Variants in VPS13C observed in about 807,000 individuals in gnomAD.
VPS13C encodes the protein vacuolar protein sorting 13 homolog C.
Under a neutral mutation model 456.8 loss-of-function variants are expected in VPS13C, and 358 were observed. The observed-to-expected ratio is 0.78, with a 90% CI of 0.72 to 0.86. VPS13C has a LOEUF of 0.86. Among genes scored for constraint, VPS13C ranks in the 40% least tolerant of loss-of-function variants. The pLI is 0.00. For missense variants in VPS13C, 4,818 were observed against 4,385.4 expected, an observed-to-expected ratio of 1.10 and a Z score of -2.79; for synonymous variants, 1,578 against 1,486.7, an observed-to-expected ratio of 1.06 and a Z score of -1.41.
intron 67 of VPS13C, among the ~76,000 whole-genome samples, chr15:61,885,713 A>C (rs147750528): frequency 8.7e-4 from 132 of 152,274 alleles, no homozygotes; most frequent in African/African-American, 2.9e-3. Context: ...TAGCTTTATG[A>C]ATTTGTCCAA....
rs755637408 is a variant in VPS13C, at chr15:61,911,974, T to C, written c.8581A>G (p.Asn2861Asp). The C allele has an allele frequency of 6.2e-7, 1 of 1,607,966 alleles. No individual in the cohort carries two copies. The highest frequency in any genetic ancestry group is 1.1e-5 in the South Asian group (1 of 89,376). ...GTCAGGGTAACTATTCGTGAAAGGTTGAAACTGCTCATTTTGATGCTAACA... is the reference window on the plus strand; with the variant it reads ...GTCAGGGTAACTATTCGTGAAAGGTCGAAACTGCTCATTTTGATGCTAACA... The part of the protein sequence containing the change: ...VGVSIKMSSF[N>D]LSRIVTLTPF... The change falls in exon 63 of 85, where the codon AAC becomes GAC. Residue 2861 changes from asparagine to aspartate, a missense_variant. Asn to Asp is a conservative substitution (Grantham distance 23, BLOSUM62 1). Transcript: ENST00000644861.
intron 9 of VPS13C, among the ~76,000 whole-genome samples, chr15:62,017,303 G>C (rs974895127): frequency 4.6e-5 from 7 of 152,088 alleles, no homozygotes; most frequent in Admixed American, 1.3e-4. Flanking sequence ...GATCCCATTT[G>C]TCAATTTTGG....
rs760577796 is a variant in VPS13C at position 61,858,352 on chromosome 15, ATCTATCTATCTG to A, written c.10953-1955_10953-1944del. Reference sequence around the variant, plus strand: ...TATCTATCTATCTATCTATCTATCTATCTATCTATCTGTCTATCTATCTCCCTCCCTCCCTAT... The same window carrying A: ...TATCTATCTATCTATCTATCTATCTATCTATCTATCTCCCTCCCTCCCTAT... On this transcript the variant is annotated intron_variant, in intron 82 of 84. Transcript: ENST00000644861. This position sits in a 1 kb window ranked among gnomAD's most constrained non-coding sequence, Gnocchi z 4.4. Among the ~76,000 whole-genome samples, 2,150 of 147,214 alleles carry A rather than the reference ATCTATCTATCTG, an allele frequency of 0.015. 103 individuals are homozygous for A. Among genetic ancestry groups the A allele is most frequent in the Admixed American group, 0.098 (1,467 of 14,952 alleles).
chr15:61,899,427 C>T (rs2042930187), intron 66 of VPS13C, among the ~76,000 whole-genome samples: 1 of 151,414 alleles, frequency 6.6e-6, no homozygotes, highest in Non-Finnish European at 1.5e-5. Flanking sequence ...GGGATATCAC[C>T]ACCGATCCCA....
chr15:62,007,951 A>G (rs2140493942), intron 14 of VPS13C, among the ~76,000 whole-genome samples: 1 of 152,220 alleles, frequency 6.6e-6, no homozygotes, highest in South Asian at 2.1e-4. Flanking sequence ...CTAAAAATAC[A>G]AAAATTAGGC....
intron 47 of VPS13C, 143 bp from the exon 48 acceptor site, chr15:61,936,893 A>C (rs975739358): frequency 1.1e-6 from 1 of 902,722 alleles, no homozygotes; most frequent in Non-Finnish European, 1.6e-6. Flanking sequence ...TAAATACCAG[A>C]ACAGAAGTAT....
intron 75 of VPS13C, 27 bp from the exon 76 acceptor site, chr15:61,875,872 G>A (rs1895384486): frequency 1.4e-6 from 2 of 1,400,212 alleles, no homozygotes; most frequent in Non-Finnish European, 2.0e-6. Context: ...ATTAAATTAA[G>A]TCCTTCACAA....
intron 58 of VPS13C, among the ~76,000 whole-genome samples, chr15:61,918,515 TTTCA>T (rs953547082): frequency 1.3e-5 from 2 of 152,026 alleles, no homozygotes; most frequent in Non-Finnish European, 2.9e-5. Flanking sequence ...CTATATTATC[TTTCA>T]AATATGTATT....
At chr15:62,044,815 A>T (rs1450865776) in intron 1 of VPS13C, among the ~76,000 whole-genome samples, 1 of 152,130 alleles carries the variant, frequency 6.6e-6, no homozygotes, top group African/African-American at 2.4e-5. Context: ...CATGACTCAA[A>T]TCTTAAACAC....
chr15:61,977,905 C>T (rs1442806037), intron 23 of VPS13C, among the ~76,000 whole-genome samples: 1 of 151,954 alleles, frequency 6.6e-6, no homozygotes, highest in Non-Finnish European at 1.5e-5. Context: ...TATGTATTTA[C>T]GTTTTAATAA....
rs2045591721 is a variant in VPS13C at position 61,972,683 on chromosome 15, G to A, written c.2699C>T (p.Ala900Val). ...GAGCTCCTCATTTGGGACCTCTGCA[G>A]CTTTTTTAAGTTCTGATCCTTTCAT... The part of the protein sequence containing the change: ...KSMKGSELKK[A>V]AEVPNEELIN... Residue 900 changes from alanine (A) to valine (V), a missense_variant, in exon 27 of 85, where the codon GCT (alanine) becomes GTT (valine). Physicochemically the swap from Ala to Val is moderately conservative, Grantham distance 64. Transcript: ENST00000644861. The A allele has an allele frequency of 6.2e-7, 1 of 1,613,458 alleles. No individual in the cohort carries two copies. Among genetic ancestry groups the A allele is most frequent in the African/African-American group, 1.3e-5 (1 of 75,012 alleles).
intron 17 of VPS13C, 55 bp downstream of exon 17, chr15:61,991,616 TAC>T: frequency 2.6e-6 from 4 of 1,523,876 alleles, no homozygotes; most frequent in East Asian, 2.3e-5. Context: ...AGATATAATT[TAC>T]ACAGTTTTTT....
intron 66 of VPS13C, among the ~76,000 whole-genome samples, chr15:61,890,641 G>A (rs1414584431): frequency 6.6e-6 from 1 of 152,158 alleles, no homozygotes; most frequent in Non-Finnish European, 1.5e-5. Flanking sequence ...ATTACCTACT[G>A]AGTGCTGAAG....
chr15:62,041,454 G>T, intron 2 of VPS13C, 88 bp from the exon 3 acceptor site: 1 of 1,306,968 alleles, frequency 7.7e-7, no homozygotes, highest in South Asian at 1.3e-5. Flanking sequence ...AAATACACAT[G>T]TCCAAAGAAA....
At chr15:61,991,226 C>A (rs1168086248) in intron 17 of VPS13C, 132 bp from the exon 18 acceptor site, 5 of 659,918 alleles carry the variant, frequency 7.6e-6, no homozygotes, top group Non-Finnish European at 1.3e-5. Flanking sequence ...CAGGTAATAT[C>A]CTCTAATATA....
At chr15:61,965,871 T>C (rs2045360366) in intron 30 of VPS13C, among the ~76,000 whole-genome samples, 1 of 151,904 alleles carries the variant, frequency 6.6e-6, no homozygotes, top group African/African-American at 2.4e-5. Context: ...ACTGAAACTT[T>C]TAAGGACGCT....
At position 62,043,224 on chromosome 15, in the gene VPS13C, C is replaced by G. The variant is rs34548293; in HGVS notation, c.144+988G>C. On this transcript the variant is annotated intron_variant, in intron 2 of 84. Transcript: ENST00000644861. ...GCCAGGCTCTACTTCTCATCTTATT[C>G]AAGCCACAAAGACACAGAGATATTA... 5.8e-3 allele frequency among the ~76,000 whole-genome samples: 887 copies of G among 152,292 alleles called. 3 individuals are homozygous for G. Among genetic ancestry groups the G allele is most frequent in the Non-Finnish European group, 9.3e-3 (632 of 68,012 alleles).
At position 62,012,971 on chromosome 15, in the gene VPS13C, C is replaced by G. The variant is rs1362095285; in HGVS notation, c.825+68G>C. On this transcript the variant is annotated intron_variant, in intron 11 of 84. Transcript: ENST00000644861. ...GGCTGATATCCTGTCCTCATGAAGGCCCTCTTATATTAAACAAATTTAGGG... is the reference window on the plus strand; with the variant it reads ...GGCTGATATCCTGTCCTCATGAAGGGCCTCTTATATTAAACAAATTTAGGG... 8.3e-6 allele frequency: 9 copies of G among 1,084,902 alleles called. No homozygotes were observed. The East Asian group carries it at 1.5e-4, about 18-fold the overall frequency. The allele number at this position is 1,084,902 out of a possible 1,614,324, so 67.2% of individuals were successfully genotyped here.
chr15:61,891,780 G>A (rs917277748), intron 66 of VPS13C, among the ~76,000 whole-genome samples: 4 of 152,078 alleles, frequency 2.6e-5, no homozygotes, highest in South Asian at 2.1e-4. Flanking sequence ...GGGTGATAAC[G>A]CCAAAATGGA....
Sources: gnomAD v4.1 joint callset for allele counts (sites outside exome capture counted in the v4.1 genomes callset) on GRCh38, gnomAD v4.1.1 for gene constraint, Gnocchi (gnomAD v3.1) non-coding constraint, MANE v1.5 for transcripts, NCBI Gene and HGNC (gene_info 2026-07-23, HGNC 2026-07-21) for gene names.